Variants in PAPPA2 observed in about 807,000 individuals in gnomAD.
The protein encoded by PAPPA2 is pappalysin 2.
In PAPPA2, 86 loss-of-function variants were observed where a neutral mutation model predicts 176.4. That is an observed-to-expected ratio of 0.49 (90% CI 0.41 to 0.58). The LOEUF (loss-of-function observed/expected upper bound fraction) is 0.58. Ranked by LOEUF, PAPPA2 falls within the 20% of genes least tolerant of loss-of-function variation. The probability of loss-of-function intolerance (pLI) is 0.00; values close to 1 mark genes in which losing one functional copy is unlikely to be tolerated. For synonymous variants in PAPPA2, 809 were observed against 852.2 expected (o/e 0.95, Z 0.88); for missense variants, 2,073 against 2,256.9 (o/e 0.92, Z 1.65).
At chr1:176,784,605 T>TC (rs1300921996) in intron 17 of PAPPA2, among the ~76,000 whole-genome samples, 3 of 151,554 alleles carry the variant, frequency 2.0e-5, no homozygotes, top group Admixed American at 6.6e-5. Flanking sequence ...TTTTTTTTTT[T>TC]AGACAGAATC....
At chr1:176,533,471 GT>G (rs1474941413) in intron 1 of PAPPA2, among the ~76,000 whole-genome samples, 2 of 152,210 alleles carry the variant, frequency 1.3e-5, no homozygotes, top group Non-Finnish European at 2.9e-5. Flanking sequence ...TAAGATAAGT[GT>G]TTTGTTTCTT....
At chr1:176,652,567 C>T (rs1361516446) in intron 3 of PAPPA2, among the ~76,000 whole-genome samples, 1 of 151,694 alleles carries the variant, frequency 6.6e-6, no homozygotes, top group Non-Finnish European at 1.5e-5. Context: ...TCTTGCTAAA[C>T]AGACACTCTG....
intron 9 of PAPPA2, among the ~76,000 whole-genome samples, chr1:176,704,764 A>G (rs1660806732): frequency 6.6e-6 from 1 of 152,184 alleles, no homozygotes; most frequent in Admixed American, 6.5e-5. Flanking sequence ...TGTAAGTGAA[A>G]AATACACACT....
chr1:176,685,541 T>C (rs552737236), intron 4 of PAPPA2, among the ~76,000 whole-genome samples: 1 of 152,320 alleles, frequency 6.6e-6, no homozygotes, highest in South Asian at 2.1e-4. Context: ...ATAATGCTGG[T>C]TCATTTGAAT....
chr1:176,528,449 A>C (rs1485691248), intron 1 of PAPPA2, among the ~76,000 whole-genome samples: 2 of 152,242 alleles, frequency 1.3e-5, no homozygotes, highest in African/African-American at 4.8e-5. Context: ...CAGCTTCAAA[A>C]GACTTGCCCA....
At chr1:176,487,774 G>A (rs1400598866) in intron 1 of PAPPA2, among the ~76,000 whole-genome samples, 1 of 152,180 alleles carries the variant, frequency 6.6e-6, no homozygotes, top group Admixed American at 6.5e-5. Flanking sequence ...GAGTCAAGTA[G>A]GGGTCAGATA....
At chr1:176,799,392 A>T (rs965043630) in intron 20 of PAPPA2, among the ~76,000 whole-genome samples, 5 of 152,214 alleles carry the variant, frequency 3.3e-5, no homozygotes, top group Non-Finnish European at 7.3e-5. Flanking sequence ...GCATCTCAAG[A>T]TGAACGTAAC....
At chr1:176,739,496 C>T in intron 12 of PAPPA2, 130 bp from the exon 13 acceptor site, 1 of 933,168 alleles carries the variant, frequency 1.1e-6, no homozygotes, top group Non-Finnish European at 1.6e-6. Flanking sequence ...ATATTTTTAG[C>T]ATTTATAAAA....
At chr1:176,742,415 C>T (rs1047573263) in intron 14 of PAPPA2, among the ~76,000 whole-genome samples, 6 of 152,216 alleles carry the variant, frequency 3.9e-5, no homozygotes, top group East Asian at 1.9e-4. Flanking sequence ...TAATTACTGC[C>T]GCTAGTTCTT....
At chr1:176,546,920 T>G (rs1650668049) in intron 1 of PAPPA2, among the ~76,000 whole-genome samples, 1 of 152,202 alleles carries the variant, frequency 6.6e-6, no homozygotes, top group Non-Finnish European at 1.5e-5. Context: ...GTAAAATTGT[T>G]TCCAAGGACC....
chr1:176,781,274 G>A (rs1484822601), intron 17 of PAPPA2, among the ~76,000 whole-genome samples: 1 of 146,088 alleles, frequency 6.8e-6, no homozygotes, highest in Non-Finnish European at 1.5e-5. Context: ...GGACATGGAA[G>A]TAAAATGGTC....
intron 1 of PAPPA2, among the ~76,000 whole-genome samples, chr1:176,473,479 C>T (rs1651977637): frequency 6.6e-6 from 1 of 152,154 alleles, no homozygotes; most frequent in East Asian, 1.9e-4. Context: ...GTGAATAAAG[C>T]TGCTATAAGC....
intron 14 of PAPPA2, among the ~76,000 whole-genome samples, chr1:176,743,605 ACTAT>A (rs2102878186): frequency 1.3e-5 from 2 of 152,286 alleles, no homozygotes; most frequent in South Asian, 2.1e-4. Context: ...GGAAGTGGAA[ACTAT>A]CTATTTTATT....
chr1:176,750,896 AC>A lies in PAPPA2; in HGVS notation c.4151+10702del, dbSNP rs577474080. On this transcript the variant is annotated intron_variant, in intron 14 of 22. Transcript: ENST00000367662. ...GCAAAAATCCTTGAACTGAGAATTTACCTTTTGCATTAAAAACATTTACCAT... is the reference window on the plus strand; with the variant it reads ...GCAAAAATCCTTGAACTGAGAATTTACTTTTGCATTAAAAACATTTACCAT... 3.1e-4 allele frequency among the ~76,000 whole-genome samples: 47 copies of A among 152,318 alleles called. No individual in the cohort carries two copies. The South Asian group carries it at 9.7e-3, about 32-fold the overall frequency.
intron 3 of PAPPA2, among the ~76,000 whole-genome samples, chr1:176,637,214 T>C (rs1656752734): frequency 6.6e-6 from 1 of 152,022 alleles, no homozygotes; most frequent in Non-Finnish European, 1.5e-5. Flanking sequence ...AATAAAAGGC[T>C]GAAGAGCAAG....
chr1:176,740,218 T>G (rs761246096), intron 14 of PAPPA2, 22 bp downstream of exon 14: 1 of 1,596,960 alleles, frequency 6.3e-7, no homozygotes, highest in Middle Eastern at 1.7e-4. Flanking sequence ...CCTTTCTTTC[T>G]TTTGTTTCCT....
chr1:176,604,793 G>A (rs990202684), intron 3 of PAPPA2, among the ~76,000 whole-genome samples: 8 of 152,282 alleles, frequency 5.3e-5, no homozygotes, highest in East Asian at 1.9e-4. Context: ...ATGAATTAGT[G>A]TATACATATA....
At chr1:176,751,001 T>C (rs1663148290) in intron 14 of PAPPA2, among the ~76,000 whole-genome samples, 1 of 152,032 alleles carries the variant, frequency 6.6e-6, no homozygotes, top group Non-Finnish European at 1.5e-5. Context: ...TTAATCCATC[T>C]TGAATTGATT....
chr1:176,660,061 G>A (rs1658270523), intron 3 of PAPPA2, among the ~76,000 whole-genome samples: 1 of 152,052 alleles, frequency 6.6e-6, no homozygotes, highest in Non-Finnish European at 1.5e-5. Flanking sequence ...TCTTCACATG[G>A]CATGGTTGCC....
Sources: gnomAD v4.1 joint callset for allele counts (sites outside exome capture counted in the v4.1 genomes callset) on GRCh38, gnomAD v4.1.1 for gene constraint, MANE v1.5 for transcripts, NCBI Gene and HGNC (gene_info 2026-07-23, HGNC 2026-07-21) for gene names.